Variants in DNAAF8 observed in about 807,000 individuals in gnomAD.
DNAAF8 encodes the protein dynein axonemal assembly factor 8.
Under a neutral mutation model 54.6 loss-of-function variants are expected in DNAAF8, and 61 were observed. The observed-to-expected ratio is 1.12, with a 90% CI of 0.91 to 1.38. DNAAF8 has a LOEUF of 1.38. Among genes scored for constraint, DNAAF8 ranks in the 40% most tolerant of loss-of-function variants. DNAAF8 has a pLI of 0.00. For synonymous variants in DNAAF8, 320 were observed against 270.1 expected (o/e 1.18, Z -1.81); for missense variants, 837 against 665.0 (o/e 1.26, Z -2.85).
intron 3 of DNAAF8, among the ~76,000 whole-genome samples, chr16:4,739,265 G>GGTTTTTTTTTTTTTTTTTTTTTTTTTT (rs1555482695): frequency 8.7e-5 from 6 of 69,032 alleles, no homozygotes; most frequent in Non-Finnish European, 1.6e-4. Flanking sequence ...ATTTTTTCTT[G>GGTTTTTTTTTTTTTTTTTTTTTTTTTT]TTTTTTTTTT....
Position 4,746,364 on chromosome 16 carries a change from T to C in DNAAF8, c.1044-11T>C. The C allele has an allele frequency of 6.2e-7, 1 of 1,608,176 alleles. No individual in the cohort carries two copies. Among genetic ancestry groups the C allele is most frequent in the East Asian group, 2.2e-5 (1 of 44,828 alleles). On this transcript the variant is annotated splice_polypyrimidine_tract_variant and intron_variant, in intron 6 of 9. Coordinates refer to ENST00000299320, the MANE Select transcript of DNAAF8 (RefSeq NM_139170.3). ...GAACTGACTCCACAACACCTGCTTT[T>C]CTCATTTCAGATGTGCCTCAAGGAA...
In DNAAF8 at chr16:4,740,663, G is replaced by C; in HGVS notation, c.783+4G>C. 1 of 1,583,164 alleles carries C rather than the reference G, an allele frequency of 6.3e-7. No individual in the cohort carries two copies. Among genetic ancestry groups the C allele is most frequent in the Non-Finnish European group, 8.6e-7 (1 of 1,168,486 alleles). The stretch of plus-strand genomic sequence containing the variant: ...ACCACCAGTGCTCTCGCTCCAGGTA[G>C]GCGCCTCCCCGTGCCTGGCTGTTTC... On this transcript the variant is annotated splice_donor_region_variant and intron_variant, in intron 4 of 9. Coordinates refer to ENST00000299320, the MANE Select transcript of DNAAF8 (RefSeq NM_139170.3).
intron 3 of DNAAF8, 95 bp downstream of exon 3, chr16:4,738,041 C>A: frequency 7.1e-7 from 1 of 1,401,232 alleles, no homozygotes; most frequent in Non-Finnish European, 9.6e-7. Flanking sequence ...CCACGATATG[C>A]TAGAACATGG....
At chr16:4,742,416 C>T (rs778750127) in intron 4 of DNAAF8, among the ~76,000 whole-genome samples, 1 of 151,380 alleles carries the variant, frequency 6.6e-6, no homozygotes, top group Non-Finnish European at 1.5e-5. Flanking sequence ...TTAGGCTGGG[C>T]GTGGTGGCTC....
chr16:4,737,225 G>A (rs73506280), intron 2 of DNAAF8, among the ~76,000 whole-genome samples: 17,097 of 152,038 alleles, frequency 0.11, 2,217 homozygotes, highest in African/African-American at 0.32. Context: ...TAAAAGGAAC[G>A]GGCAGGGTTT....
At chr16:4,735,319 T>A (rs1393504684) in intron 1 of DNAAF8, 1 of 152,270 alleles carries the variant, frequency 6.6e-6, no homozygotes, top group African/African-American at 2.4e-5. Flanking sequence ...CCGCTGGCTG[T>A]GTGCACCAGA....
rs2081915335 is a variant in DNAAF8 at position 4,737,832 on chromosome 16, C to T, written c.162C>T (p.Phe54=). ...ATGGGGAAGAGGAGCTGTTCATCTT[C>T]CAGCGAAACCAAACCTCCCTGATTC... The part of the protein sequence containing the change: ...SDYGEEELFI[F]QRNQTSLIPD... Residue 54 remains phenylalanine, a synonymous_variant, in exon 3 of 10, where the codon TTC becomes TTT. Transcript: ENST00000299320. 1.2e-6 allele frequency: 2 copies of T among 1,614,150 alleles called. No individual in the cohort carries two copies. The highest frequency in any genetic ancestry group is 1.7e-4 in the Middle Eastern group (1 of 6,060).
At position 4,749,371 on chromosome 16, in the gene DNAAF8, G is replaced by A. The variant is rs541962196; in HGVS notation, c.*656G>A. 9.1e-5 allele frequency: 14 copies of A among 154,562 alleles called. No individual in the cohort carries two copies. The highest frequency in any genetic ancestry group is 1.2e-4 in the African/African-American group (5 of 41,664). 9.6% of individuals were successfully genotyped at this position (154,562 alleles called of 1,614,324 possible). The stretch of plus-strand genomic sequence containing the variant: ...TCACTGAGAATGTTTTACAGTGATG[G>A]AAAATAAACTCTGTTCCAAGTTCAA... On this transcript the variant is annotated 3_prime_UTR_variant, in exon 10 of 10. Coordinates refer to ENST00000299320, the MANE Select transcript of DNAAF8 (RefSeq NM_139170.3).
In DNAAF8 at chr16:4,736,500, G is replaced by T; in HGVS notation, c.-15G>T. 6.5e-7 allele frequency: 1 copy of T among 1,531,300 alleles called. No homozygotes were observed. Among genetic ancestry groups the T allele is most frequent in the South Asian group, 1.2e-5 (1 of 80,044 alleles). 94.9% of individuals were successfully genotyped at this position (1,531,300 alleles called of 1,614,324 possible). A position where few individuals can be genotyped will look rare whatever the true frequency, so the allele number is the denominator to read the frequency against. ...TTATGGTGCACTGAGAAGGCATCTG[G>T]AAGCCTGGGCCCTCATGGCATCCAA... On this transcript the variant is annotated 5_prime_UTR_variant, in exon 2 of 10. Transcript: ENST00000299320.
rs1327876070 is a variant in DNAAF8 at position 4,740,415 on chromosome 16, A to G, written c.539A>G (p.Asp180Gly). The stretch of plus-strand genomic sequence containing the variant: ...GCCACTCTCTCCTGCCATGAAGGAG[A>G]CCCAAAGGCAGAGCCCCTCAGCACT... ...AEATLSCHEG[D>G]PKAEPLSTAS... Residue 180 changes from aspartate (D) to glycine (G), a missense_variant, in exon 4 of 10, where the codon GAC becomes GGC. Transcript: ENST00000299320. The G allele has an allele frequency of 1.9e-6, 3 of 1,613,902 alleles. No homozygotes were observed. Among genetic ancestry groups the G allele is most frequent in the South Asian group, 1.1e-5 (1 of 91,084 alleles).
At chr16:4,741,797 T>C (rs1208672457) in intron 4 of DNAAF8, among the ~76,000 whole-genome samples, 1 of 151,872 alleles carries the variant, frequency 6.6e-6, no homozygotes, top group Non-Finnish European at 1.5e-5. Context: ...AAAAAGAAAT[T>C]GGGATTTTGT....
At chr16:4,742,366 C>T (rs2081968615) in intron 4 of DNAAF8, among the ~76,000 whole-genome samples, 1 of 151,898 alleles carries the variant, frequency 6.6e-6, no homozygotes, top group Non-Finnish European at 1.5e-5. Context: ...ACCAGCCTCG[C>T]CAACATGGTG....
At position 4,746,850 on chromosome 16, in the gene DNAAF8, G is replaced by A. The variant is rs574122433; in HGVS notation, c.1182-77G>A. The A allele has an allele frequency of 3.2e-4, 422 of 1,334,096 alleles. 2 individuals carry two copies. In the Middle Eastern group the frequency reaches 4.5e-3, roughly 14 times the overall value. The allele number at this position is 1,334,096 out of a possible 1,614,324, so 82.6% of individuals were successfully genotyped here. ...TTGCATTGGGTCACCAGCAAAGCCC[G>A]AGTGCTTCAAGCCCCAACAAGAGTT... On this transcript the variant is annotated intron_variant, in intron 7 of 9. Transcript: ENST00000299320.
chr16:4,739,265 G>GGTTTTTTTTTTTTTTTTTTTTT (rs1555482695), intron 3 of DNAAF8, among the ~76,000 whole-genome samples: 28 of 69,034 alleles, frequency 4.1e-4, no homozygotes, highest in Non-Finnish European at 6.5e-4. Flanking sequence ...ATTTTTTCTT[G>GGTTTTTTTTTTTTTTTTTTTTT]TTTTTTTTTT....
intron 7 of DNAAF8, 69 bp downstream of exon 7, chr16:4,746,581 C>T: frequency 1.3e-6 from 2 of 1,519,840 alleles, no homozygotes; most frequent in African/African-American, 1.4e-5. Context: ...CGCACAGAGC[C>T]TCTGGTGGAT....
intron 7 of DNAAF8, 126 bp from the exon 8 acceptor site, chr16:4,746,801 G>C (rs2082022971): frequency 1.1e-6 from 1 of 908,180 alleles, no homozygotes; most frequent in Non-Finnish European, 1.6e-6. Flanking sequence ...ACGTCCACCG[G>C]CCTCCAGTGT....
intron 4 of DNAAF8, among the ~76,000 whole-genome samples, chr16:4,741,829 G>A (rs375869475): frequency 1.3e-5 from 2 of 152,088 alleles, no homozygotes; most frequent in Non-Finnish European, 2.9e-5. Context: ...GAAAAAGAGA[G>A]GAATGCAGAG....
At chr16:4,742,613 G>C (rs2081970612) in intron 4 of DNAAF8, among the ~76,000 whole-genome samples, 1 of 151,986 alleles carries the variant, frequency 6.6e-6, no homozygotes, top group African/African-American at 2.4e-5. Context: ...CCAGCTACTT[G>C]GGAGGCTGAG....
chr16:4,740,475 G>A lies in DNAAF8; in HGVS notation c.599G>A (p.Arg200Gln), dbSNP rs781640211. The A allele has an allele frequency of 2.4e-5, 39 of 1,613,904 alleles. No individual in the cohort carries two copies. The East Asian group carries it at 4.2e-4, about 18-fold the overall frequency. ...GAATCTGTGAACCGCCGGGCCCTCC[G>A]ACAGGAGAGAAGGAAGATGATAGAG... is the stretch of plus-strand genomic sequence containing the variant. ...SQESVNRRAL[R>Q]QERRKMIETD... The change falls in exon 4 of 10, where the codon CGA becomes CAA. Residue 200 changes from arginine (R) to glutamine (Q), a missense_variant. Transcript: ENST00000299320.
Sources: allele counts gnomAD v4.1 joint callset (sites outside exome capture counted in the v4.1 genomes callset), GRCh38; gene constraint gnomAD v4.1.1; transcripts MANE v1.5; gene names NCBI Gene and HGNC (gene_info 2026-07-23, HGNC 2026-07-21).